VSTM5: variants seen among roughly 807,000 people sequenced by gnomAD.
The protein encoded by VSTM5 is V-set and transmembrane domain-containing protein 5.
In VSTM5, 21 loss-of-function variants were observed where a neutral mutation model predicts 20.3. The observed-to-expected ratio is 1.03, with a 90% CI of 0.73 to 1.49. The LOEUF is 1.49. Ranked by LOEUF, VSTM5 falls within the 40% of genes most tolerant of loss-of-function variation. The probability of loss-of-function intolerance (pLI) is 0.00; values close to 1 mark genes in which losing one functional copy is unlikely to be tolerated. For synonymous variants in VSTM5, 100 were observed against 102.5 expected (o/e 0.98, Z 0.14); for missense variants, 219 against 250.0 (o/e 0.88, Z 0.84).
At chr11:93,831,864 G>A (rs770506167) in intron 1 of VSTM5, among the ~76,000 whole-genome samples, 2 of 152,196 alleles carry the variant, frequency 1.3e-5, no homozygotes, top group Admixed American at 6.5e-5. Context: ...GACCTGGGCC[G>A]TTATCAGACT....
chr11:93,826,637 G>C (rs1944241321), intron 1 of VSTM5, among the ~76,000 whole-genome samples: 1 of 151,938 alleles, frequency 6.6e-6, no homozygotes. Flanking sequence ...CTGACCTCGT[G>C]ATCCGCCCGC....
intron 1 of VSTM5, among the ~76,000 whole-genome samples, chr11:93,849,076 C>A (rs1565305894): frequency 2.0e-5 from 3 of 151,824 alleles, no homozygotes; most frequent in South Asian, 4.2e-4. Flanking sequence ...GTGTAAAGGT[C>A]AAAAATGTTA....
chr11:93,848,034 A>C (rs1043428358), intron 1 of VSTM5, among the ~76,000 whole-genome samples: 2 of 151,844 alleles, frequency 1.3e-5, no homozygotes, highest in African/African-American at 4.8e-5. Context: ...AAACCAAATC[A>C]CCTCCCTAAA....
intron 1 of VSTM5, among the ~76,000 whole-genome samples, chr11:93,837,467 G>A (rs625359): frequency 0.72 from 110,078 of 151,850 alleles, 42,488 homozygotes; most frequent in South Asian, 0.86. Context: ...GGCCACATAG[G>A]AAAGTAATCC....
intron 1 of VSTM5, among the ~76,000 whole-genome samples, chr11:93,837,611 C>T (rs1475721656): frequency 1.3e-5 from 2 of 152,072 alleles, no homozygotes; most frequent in Non-Finnish European, 2.9e-5. Flanking sequence ...CTCTGTTCCT[C>T]ATGTGTAAAA....
At chr11:93,839,729 C>T (rs1353332476) in intron 1 of VSTM5, among the ~76,000 whole-genome samples, 1 of 152,144 alleles carries the variant, frequency 6.6e-6, no homozygotes, top group Non-Finnish European at 1.5e-5. Context: ...GACCTGCGCT[C>T]TACCCAAAGC....
chr11:93,846,783 T>TGC lies in VSTM5; in HGVS notation c.91+3628_91+3629insGC, dbSNP rs1944415184. On this transcript the variant is annotated intron_variant, in intron 1 of 3. Transcript: ENST00000409977. ...TTTTTTTAATTTTTTTTTTTTTTTT[T>TGC]TTGAGATGGAGTCTCACTCTGTCAC... Among the ~76,000 whole-genome samples, 3 of 109,148 alleles carry TGC rather than the reference T, an allele frequency of 2.7e-5. No individual in the cohort carries two copies. The South Asian group carries it at 7.8e-4, about 28-fold the overall frequency. 71.6% of individuals were successfully genotyped at this position (109,148 alleles called of 152,430 possible). A position where few individuals can be genotyped will look rare whatever the true frequency, so the allele number is the denominator to read the frequency against.
intron 3 of VSTM5, 54 bp from the exon 4 acceptor site, chr11:93,820,666 T>G: frequency 6.4e-7 from 1 of 1,551,688 alleles, no homozygotes; most frequent in Non-Finnish European, 8.7e-7. Context: ...TAGTGCTTTC[T>G]TCGTGAGAAC....
intron 1 of VSTM5, among the ~76,000 whole-genome samples, chr11:93,846,721 GA>G (rs1407242431): frequency 6.6e-6 from 1 of 151,574 alleles, no homozygotes; most frequent in Non-Finnish European, 1.5e-5. Flanking sequence ...CTAAGTTGCT[GA>G]ATAAACAGTA....
chr11:93,830,344 G>T (rs1043570957), intron 1 of VSTM5, among the ~76,000 whole-genome samples: 9 of 152,248 alleles, frequency 5.9e-5, no homozygotes, highest in Admixed American at 4.6e-4. Context: ...AGCCTAAACA[G>T]CCGGGAACAG....
At chr11:93,837,040 C>CACACACACAT (rs1409629852) in intron 1 of VSTM5, among the ~76,000 whole-genome samples, 4 of 150,684 alleles carry the variant, frequency 2.7e-5, no homozygotes, top group Non-Finnish European at 5.9e-5. Flanking sequence ...CACACACACA[C>CACACACACAT]ATATATTTTG....
At position 93,820,891 on chromosome 11, in the gene VSTM5, G is replaced by A; in HGVS notation, c.419-8C>T. On this transcript the variant is annotated splice_region_variant and splice_polypyrimidine_tract_variant and intron_variant, in intron 2 of 3. Coordinates refer to ENST00000409977, the MANE Select transcript of VSTM5 (RefSeq NM_001144871.2). ...GGTCTTCATAGAGGATCTCTATGGAGTGAGGGTGAGGGGAGGGGGAAGACA... is the reference window on the plus strand; with the variant it reads ...GGTCTTCATAGAGGATCTCTATGGAATGAGGGTGAGGGGAGGGGGAAGACA... 1 of 1,550,858 alleles carries A rather than the reference G, an allele frequency of 6.4e-7. No homozygotes were observed. The highest frequency in any genetic ancestry group is 2.4e-5 in the East Asian group (1 of 40,914).
rs568238416 is a variant in VSTM5, at chr11:93,843,836, C to T, written c.91+6576G>A. Among the ~76,000 whole-genome samples, 13 of 152,242 alleles carry T rather than the reference C, an allele frequency of 8.5e-5. No individual in the cohort carries two copies. In the East Asian group the frequency reaches 2.3e-3, roughly 27 times the overall value. On this transcript the variant is annotated intron_variant, in intron 1 of 3. Transcript: ENST00000409977. ...CATCTACATCTCCTATGACTCCTCA[C>T]CCCCAATTCCAGTTGTACCAAACTA...
In VSTM5 at chr11:93,821,067, G is replaced by A. The variant is rs1474560591; in HGVS notation, c.348C>T (p.Gly116=). 4 of 1,551,742 alleles carry A rather than the reference G, an allele frequency of 2.6e-6. No individual in the cohort carries two copies. The highest frequency in any genetic ancestry group is 4.9e-5 in the East Asian group (2 of 40,924). The stretch of plus-strand genomic sequence containing the variant: ...GCTCCGTCACGGTGATGACATAGTA[G>A]CCGGAATCCCTCACTCCCACGCTGA... ...QLFSVGVRDS[G]YYVITVTERL... The change falls in exon 2 of 4, where the codon GGC becomes GGT. Residue 116 remains glycine (G), a synonymous_variant. Coordinates refer to ENST00000409977, the MANE Select transcript of VSTM5 (RefSeq NM_001144871.2).
intron 1 of VSTM5, among the ~76,000 whole-genome samples, chr11:93,826,136 A>G (rs1591397401): frequency 1.3e-5 from 2 of 152,066 alleles, no homozygotes; most frequent in African/African-American, 4.8e-5. Context: ...GCTACTTGGA[A>G]GGCTGAAGCA....
In VSTM5 at chr11:93,850,562, T is replaced by C. The variant is rs1944451948; in HGVS notation, c.-60A>G. On this transcript the variant is annotated 5_prime_UTR_variant, in exon 1 of 4. In the 5' UTR this introduces an upstream ATG that the reference lacks. Coordinates refer to ENST00000409977, the MANE Select transcript of VSTM5 (RefSeq NM_001144871.2). ...GCTGGCCGCACCGCGCTGCAGCTCC[T>C]ATGCAGCCTTCTCTCTTCCTCCGCC... 7.8e-7 allele frequency: 1 copy of C among 1,286,316 alleles called. No homozygotes were observed. Among genetic ancestry groups the C allele is most frequent in the Non-Finnish European group, 1.1e-6 (1 of 938,000 alleles). 79.7% of individuals were successfully genotyped at this position (1,286,316 alleles called of 1,614,324 possible). A position where few individuals can be genotyped will look rare whatever the true frequency, so the allele number is the denominator to read the frequency against.
At position 93,820,455 on chromosome 11, in the gene VSTM5, G is replaced by A; in HGVS notation, c.*114C>T. 1 of 1,139,432 alleles carries A rather than the reference G, an allele frequency of 8.8e-7. No homozygotes were observed. Among genetic ancestry groups the A allele is most frequent in the Non-Finnish European group, 1.3e-6 (1 of 787,252 alleles). 70.6% of individuals were successfully genotyped at this position (1,139,432 alleles called of 1,614,324 possible). A position where few individuals can be genotyped will look rare whatever the true frequency, so the allele number is the denominator to read the frequency against. On this transcript the variant is annotated 3_prime_UTR_variant, in exon 4 of 4. Coordinates refer to ENST00000409977, the MANE Select transcript of VSTM5 (RefSeq NM_001144871.2). Reference sequence around the variant, plus strand: ...AATGTTGTTAATCTCCCACTGTCCTGTTAGGAGCGGGCTGCAACAGGACCA... The same window carrying A: ...AATGTTGTTAATCTCCCACTGTCCTATTAGGAGCGGGCTGCAACAGGACCA...
rs1300412650 is a variant in VSTM5 at position 93,829,355 on chromosome 11, T to C, written c.92-8032A>G. 2.0e-5 allele frequency among the ~76,000 whole-genome samples: 3 copies of C among 152,218 alleles called. No individual in the cohort carries two copies. In the East Asian group the frequency reaches 5.8e-4, roughly 29 times the overall value. ...CAGCCTGGCCAACATGGTGAAACCCTGTCTCTACTGAAAATACAAAAAATT... is the reference window on the plus strand; with the variant it reads ...CAGCCTGGCCAACATGGTGAAACCCCGTCTCTACTGAAAATACAAAAAATT... On this transcript the variant is annotated intron_variant, in intron 1 of 3. Coordinates refer to ENST00000409977, the MANE Select transcript of VSTM5 (RefSeq NM_001144871.2).
chr11:93,830,545 T>C (rs1043924129), intron 1 of VSTM5, among the ~76,000 whole-genome samples: 2 of 152,158 alleles, frequency 1.3e-5, no homozygotes, highest in Admixed American at 6.5e-5. Context: ...ATGCTGAAAA[T>C]ATACTTGCAT....
Sources: gnomAD v4.1 joint callset for allele counts (sites outside exome capture counted in the v4.1 genomes callset) on GRCh38, gnomAD v4.1.1 for gene constraint, MANE v1.5 for transcripts, NCBI Gene and HGNC (gene_info 2026-07-23, HGNC 2026-07-21) for gene names.